Variants in PRKD3 observed in about 807,000 individuals in gnomAD.
PRKD3 encodes protein kinase D3, also known as serine/threonine-protein kinase D3.
In PRKD3, 47 loss-of-function variants were observed where a neutral mutation model predicts 99.2. The observed-to-expected ratio is 0.47, with a 90% CI of 0.38 to 0.60. The LOEUF is 0.60. Ranked by LOEUF, PRKD3 falls within the 20% of genes least tolerant of loss-of-function variation. The pLI, the probability that PRKD3 is intolerant of heterozygous loss-of-function variation, is 0.00. For synonymous variants in PRKD3, 392 were observed against 355.4 expected (o/e 1.10, Z -1.16); for missense variants, 1,019 against 1,088.4 (o/e 0.94, Z 0.90).
chr2:37,286,443 A>AG, intron 5 of PRKD3, 74 bp from the exon 6 acceptor site: 2 of 1,257,302 alleles, frequency 1.6e-6, no homozygotes, highest in Non-Finnish European at 2.2e-6. Context: ...CTTAACCACA[A>AG]GAATCATTTA....
intron 14 of PRKD3, among the ~76,000 whole-genome samples, chr2:37,262,038 G>T (rs781115621): frequency 6.6e-6 from 1 of 152,162 alleles, no homozygotes. Context: ...TAGGCTACAC[G>T]GGGCTAAGTT....
chr2:37,270,862 A>G (rs183400104), intron 12 of PRKD3, among the ~76,000 whole-genome samples: 22 of 152,340 alleles, frequency 1.4e-4, no homozygotes, highest in Admixed American at 3.3e-4. Flanking sequence ...ATGTGTATAT[A>G]TATTTGTTAA....
chr2:37,290,816 T>A, intron 4 of PRKD3, 52 bp downstream of exon 4: 1 of 1,502,882 alleles, frequency 6.7e-7, no homozygotes, highest in Non-Finnish European at 9.1e-7. Context: ...TAATAAAAAA[T>A]GCAAATGTGG....
intron 13 of PRKD3, chr2:37,267,738 G>T: frequency 2.0e-6 from 1 of 498,688 alleles, no homozygotes; most frequent in Non-Finnish European, 3.5e-6. Context: ...CCCTAATAAA[G>T]TCAGCTGCAT....
chr2:37,282,439 GA>G, intron 7 of PRKD3, 102 bp downstream of exon 7: 1 of 774,766 alleles, frequency 1.3e-6, no homozygotes, highest in Non-Finnish European at 2.1e-6. Context: ...AAATCTTTAA[GA>G]AACAAAATAA....
intron 5 of PRKD3, among the ~76,000 whole-genome samples, chr2:37,287,924 G>C (rs1226936957): frequency 6.6e-6 from 1 of 152,142 alleles, no homozygotes; most frequent in East Asian, 1.9e-4. Flanking sequence ...TTGAGACTAT[G>C]CTTGAACTGA....
intron 2 of PRKD3, among the ~76,000 whole-genome samples, chr2:37,305,541 T>A (rs13392784): frequency 1.3e-5 from 2 of 152,172 alleles, no homozygotes; most frequent in Admixed American, 1.3e-4. Context: ...GGTGGAGAAG[T>A]GCTATTGAGT....
At position 37,254,309 on chromosome 2, in the gene PRKD3, A is replaced by C. The variant is rs751649939; in HGVS notation, c.2414-20T>G. The stretch of plus-strand genomic sequence containing the variant: ...CAATTGCTAAGGGAAAAGACAAAAC[A>C]AGATACATGAATTTGGGTGCACAGA... On this transcript the variant is annotated intron_variant, in intron 17 of 18. Transcript: ENST00000234179. The C allele has an allele frequency of 1.5e-5, 24 of 1,594,004 alleles. No individual in the cohort carries two copies. In the African/African-American group the frequency reaches 3.1e-4, roughly 21 times the overall value.
At chr2:37,286,467 A>C in intron 5 of PRKD3, 98 bp from the exon 6 acceptor site, 1 of 1,044,002 alleles carries the variant, frequency 9.6e-7, no homozygotes, top group South Asian at 1.9e-5. Context: ...CAAACACTAA[A>C]GCCAAAAAAC....
chr2:37,314,850 C>T (rs1481490709), intron 2 of PRKD3, among the ~76,000 whole-genome samples: 1 of 151,938 alleles, frequency 6.6e-6, no homozygotes, highest in Non-Finnish European at 1.5e-5. Flanking sequence ...GGAAGGGAAA[C>T]TAAAAGCAAA....
At chr2:37,306,962 T>C (rs890935641) in intron 2 of PRKD3, among the ~76,000 whole-genome samples, 3 of 152,224 alleles carry the variant, frequency 2.0e-5, no homozygotes, top group Non-Finnish European at 2.9e-5. Flanking sequence ...ACATTGTAGA[T>C]TTCTTCAAAC....
At chr2:37,312,680 G>T (rs1017233710) in intron 2 of PRKD3, among the ~76,000 whole-genome samples, 2 of 152,120 alleles carry the variant, frequency 1.3e-5, no homozygotes, top group Admixed American at 6.6e-5. Flanking sequence ...GTAACTACAC[G>T]TGTTCAATAA....
At chr2:37,267,244 A>G (rs971377395) in intron 14 of PRKD3, among the ~76,000 whole-genome samples, 186 bp downstream of exon 14, 1 of 152,126 alleles carries the variant, frequency 6.6e-6, no homozygotes, top group African/African-American at 2.4e-5. Context: ...CTTTTTTAAA[A>G]AAGATTTTAC....
chr2:37,299,511 T>TACACAC lies in PRKD3; in HGVS notation c.289-6246_289-6241dup, dbSNP rs70949749. ...TGGTGAAACCCCACCTCTACTAAAA[T>TACACAC]ACACACACACACACACACACACACA... On this transcript the variant is annotated intron_variant, in intron 2 of 18. Transcript: ENST00000234179. Among the ~76,000 whole-genome samples, 951 of 132,562 alleles carry TACACAC rather than the reference T, an allele frequency of 7.2e-3. 5 individuals are homozygous for TACACAC. The highest frequency in any genetic ancestry group is 0.024 in the South Asian group (89 of 3,760). 87.0% of individuals were successfully genotyped at this position (132,562 alleles called of 152,430 possible).
At chr2:37,257,847 G>A (rs954295026) in intron 16 of PRKD3, among the ~76,000 whole-genome samples, 1 of 151,536 alleles carries the variant, frequency 6.6e-6, no homozygotes, top group South Asian at 2.1e-4. Context: ...CTGCCCCAGT[G>A]AGTAACAGCA....
At chr2:37,264,245 G>A (rs1668669098) in intron 14 of PRKD3, among the ~76,000 whole-genome samples, 1 of 152,128 alleles carries the variant, frequency 6.6e-6, no homozygotes, top group Admixed American at 6.6e-5. Flanking sequence ...GTTAAAGGGA[G>A]TCATTCCAAA....
At chr2:37,262,905 G>A (rs1025884411) in intron 14 of PRKD3, among the ~76,000 whole-genome samples, 6 of 134,392 alleles carry the variant, frequency 4.5e-5, no homozygotes, top group East Asian at 3.2e-4. Context: ...TCCCCCCCCC[G>A]TATTTGTGGT....
chr2:37,319,377 AT>A (rs1572710102), intron 1 of PRKD3, among the ~76,000 whole-genome samples: 2 of 152,134 alleles, frequency 1.3e-5, no homozygotes, highest in African/African-American at 4.8e-5. Flanking sequence ...GCCTTATATC[AT>A]TTTTCACTAT....
intron 2 of PRKD3, among the ~76,000 whole-genome samples, chr2:37,302,974 G>A (rs1288553949): frequency 6.6e-6 from 1 of 152,104 alleles, no homozygotes; most frequent in Non-Finnish European, 1.5e-5. Flanking sequence ...CTTTCTAAAT[G>A]TCTTTTTACC....
Sources: allele counts gnomAD v4.1 joint callset (sites outside exome capture counted in the v4.1 genomes callset), GRCh38; gene constraint gnomAD v4.1.1; transcripts MANE v1.5; gene names NCBI Gene and HGNC (gene_info 2026-07-23, HGNC 2026-07-21).